The following KCNAB1 variants were observed in gnomAD, a reference collection of about 807,000 sequenced individuals.
KCNAB1 encodes potassium voltage-gated channel subfamily A regulatory beta subunit 1.
Under a neutral mutation model 64.6 loss-of-function variants are expected in KCNAB1, and 35 were observed. The observed-to-expected ratio is 0.54, with a 90% CI of 0.41 to 0.72. KCNAB1 has a LOEUF of 0.72. KCNAB1 is among the 30% of genes least tolerant of loss of function. The pLI is 0.00. For synonymous variants in KCNAB1, 177 were observed against 183.8 expected (o/e 0.96, Z 0.30); for missense variants, 401 against 512.9 (o/e 0.78, Z 2.11).
chr3:156,310,364 C>A (rs1218985647), intron 1 of KCNAB1, among the ~76,000 whole-genome samples: 1 of 152,040 alleles, frequency 6.6e-6, no homozygotes, highest in Non-Finnish European at 1.5e-5. Context: ...TGACATGGGG[C>A]AAAGGCATAA....
At chr3:156,122,465 A>G (rs1000067237) in intron 1 of KCNAB1, among the ~76,000 whole-genome samples, 1 of 152,238 alleles carries the variant, frequency 6.6e-6, no homozygotes. Context: ...TCAGAGTGGC[A>G]TATTAGTTAA....
chr3:156,315,578 GT>G (rs1289646490), intron 1 of KCNAB1, among the ~76,000 whole-genome samples: 1 of 151,736 alleles, frequency 6.6e-6, no homozygotes, highest in Non-Finnish European at 1.5e-5. Context: ...TGGAATCCAT[GT>G]TTTTACTATC....
chr3:156,144,459 G>T (rs1714922292), intron 1 of KCNAB1, among the ~76,000 whole-genome samples: 1 of 152,184 alleles, frequency 6.6e-6, no homozygotes, highest in African/African-American at 2.4e-5. Context: ...TGTAATAAAA[G>T]GGTTGTGCAG....
At chr3:156,248,921 A>G (rs1057007937) in intron 1 of KCNAB1, among the ~76,000 whole-genome samples, 3 of 152,164 alleles carry the variant, frequency 2.0e-5, no homozygotes, top group African/African-American at 4.8e-5. Flanking sequence ...CTAGGAGTCC[A>G]TGTGCCTATG....
intron 13 of KCNAB1, 190 bp from the exon 14 acceptor site, chr3:156,536,467 TG>T: frequency 1.8e-6 from 1 of 566,376 alleles, no homozygotes; most frequent in Non-Finnish European, 3.2e-6. Context: ...CCTTCATTTA[TG>T]CAGTCAATCA....
chr3:156,291,549 C>T (rs1299395309), intron 1 of KCNAB1: 3 of 1,140,698 alleles, frequency 2.6e-6, no homozygotes, highest in East Asian at 1.2e-4. Context: ...ACCATGAATG[C>T]TCAGCTCTAG....
intron 8 of KCNAB1, among the ~76,000 whole-genome samples, chr3:156,509,258 T>C (rs1324197426): frequency 6.6e-6 from 1 of 152,172 alleles, no homozygotes; most frequent in East Asian, 1.9e-4. Flanking sequence ...TTGGGAATAG[T>C]ATAAAGCAGT....
At chr3:156,391,106 A>G (rs562410940) in intron 1 of KCNAB1, among the ~76,000 whole-genome samples, 90 of 152,256 alleles carry the variant, frequency 5.9e-4, no homozygotes, top group African/African-American at 2.0e-3. Context: ...AGATAATGGG[A>G]ATAGCCATTC....
At chr3:156,161,552 C>T (rs1716080378) in intron 1 of KCNAB1, among the ~76,000 whole-genome samples, 1 of 152,176 alleles carries the variant, frequency 6.6e-6, no homozygotes, top group Admixed American at 6.5e-5. Context: ...CCTCACTCTT[C>T]CTCACTCCAT....
intron 1 of KCNAB1, among the ~76,000 whole-genome samples, chr3:156,195,855 C>A (rs1482785298): frequency 1.3e-5 from 2 of 152,142 alleles, no homozygotes; most frequent in East Asian, 3.8e-4. Context: ...GTCATAAAGT[C>A]TTTGCCCATG....
intron 2 of KCNAB1, chr3:156,447,028 G>A (rs1398114679): frequency 6.6e-6 from 1 of 152,126 alleles, no homozygotes; most frequent in African/African-American, 2.4e-5. Flanking sequence ...CCTTGCTCAT[G>A]TTGAGCAAGC....
chr3:156,334,102 A>G (rs1404213988), intron 1 of KCNAB1, among the ~76,000 whole-genome samples: 3 of 152,110 alleles, frequency 2.0e-5, no homozygotes, highest in Non-Finnish European at 2.9e-5. Flanking sequence ...TAAATACCAA[A>G]TTTTCTTCTA....
chr3:156,343,702 T>C (rs543105527), intron 1 of KCNAB1, among the ~76,000 whole-genome samples: 1 of 152,330 alleles, frequency 6.6e-6, no homozygotes, highest in Admixed American at 6.5e-5. Flanking sequence ...CCAGCATCTT[T>C]AGGATTGGAG....
At chr3:156,354,047 A>ATGTGTGTGTG (rs368761986) in intron 1 of KCNAB1, among the ~76,000 whole-genome samples, 19 of 137,584 alleles carry the variant, frequency 1.4e-4, no homozygotes, top group African/African-American at 4.3e-4. Flanking sequence ...GTGTATATAT[A>ATGTGTGTGTG]TGTGTGTGTG....
chr3:156,294,737 A>G (rs1363682587), intron 1 of KCNAB1, among the ~76,000 whole-genome samples: 5 of 152,206 alleles, frequency 3.3e-5, no homozygotes, highest in African/African-American at 1.2e-4. Context: ...TTGTGGTCAC[A>G]ATTTCATCCT....
At chr3:156,172,737 G>A (rs186065854) in intron 1 of KCNAB1, among the ~76,000 whole-genome samples, 37 of 152,290 alleles carry the variant, frequency 2.4e-4, no homozygotes, top group African/African-American at 8.9e-4. Context: ...GACAAGACAA[G>A]GGGATAAAAC....
intron 1 of KCNAB1, among the ~76,000 whole-genome samples, chr3:156,164,001 A>G (rs755055342): frequency 1.3e-5 from 2 of 152,220 alleles, no homozygotes; most frequent in Non-Finnish European, 2.9e-5. Context: ...GCAAGAGTTA[A>G]TGCTAGGCAT....
At chr3:156,391,244 C>A (rs1316717132) in intron 1 of KCNAB1, among the ~76,000 whole-genome samples, 1 of 152,180 alleles carries the variant, frequency 6.6e-6, no homozygotes. Flanking sequence ...GGGCAAGTTA[C>A]TTAACTTTAA....
In KCNAB1 at chr3:156,527,334, A is replaced by G. The variant is rs78407162; in HGVS notation, c.1081+3387A>G. On this transcript the variant is annotated intron_variant, in intron 12 of 13. Transcript: ENST00000490337. ...TGAGTAAAGGGAAATTATATATATA[A>G]AGCAAAAAGTAGGTGCTCAGTGAGT... Among the ~76,000 whole-genome samples, 81 of 152,336 alleles carry G rather than the reference A, an allele frequency of 5.3e-4. 1 individual carries two copies. In the East Asian group the frequency reaches 0.015, roughly 29 times the overall value.
Sources: allele counts gnomAD v4.1 joint callset (sites outside exome capture counted in the v4.1 genomes callset), GRCh38; gene constraint gnomAD v4.1.1; transcripts MANE v1.5; gene names NCBI Gene and HGNC (gene_info 2026-07-23, HGNC 2026-07-21).